Variants in VEPH1 observed in about 807,000 individuals in gnomAD.
The protein encoded by VEPH1 is ventricular zone-expressed PH domain-containing protein homolog 1.
In VEPH1, 80 loss-of-function variants were observed where a neutral mutation model predicts 85.2. That is an observed-to-expected ratio of 0.94 (90% CI 0.78 to 1.13). The LOEUF (loss-of-function observed/expected upper bound fraction) is 1.13, where lower values mean the gene tolerates loss of function less well. Ranked by LOEUF, VEPH1 falls within the 50% of genes most tolerant of loss-of-function variation. VEPH1 has a pLI of 0.00. For missense variants in VEPH1, 955 were observed against 980.5 expected, an observed-to-expected ratio of 0.97 and a Z score of 0.35; for synonymous variants, 297 against 348.0, an observed-to-expected ratio of 0.85 and a Z score of 1.63.
At chr3:157,271,849 A>G (rs957858405) in intron 12 of VEPH1, among the ~76,000 whole-genome samples, 4 of 152,204 alleles carry the variant, frequency 2.6e-5, no homozygotes, top group African/African-American at 7.2e-5. Context: ...TCAAAAGTTC[A>G]TGAAAAAAAT....
At chr3:157,460,062 G>A (rs766867585) in intron 4 of VEPH1, 119 bp downstream of exon 4, 15 of 1,602,166 alleles carry the variant, frequency 9.4e-6, no homozygotes, top group Non-Finnish European at 1.3e-5. Context: ...CAGCAAAACA[G>A]AGAAATTAAT....
intron 11 of VEPH1, among the ~76,000 whole-genome samples, chr3:157,303,754 A>G (rs950552733): frequency 6.6e-6 from 1 of 151,904 alleles, no homozygotes; most frequent in Non-Finnish European, 1.5e-5. Context: ...GTAGACTCTC[A>G]TTCACATTTT....
intron 12 of VEPH1, among the ~76,000 whole-genome samples, chr3:157,276,525 T>C (rs1715416899): frequency 6.6e-6 from 1 of 152,230 alleles, no homozygotes; most frequent in Admixed American, 6.5e-5. Context: ...TAGATGACAG[T>C]AATAGGTTAT....
intron 4 of VEPH1, among the ~76,000 whole-genome samples, chr3:157,452,790 C>T (rs1164795681): frequency 6.6e-6 from 1 of 152,316 alleles, no homozygotes; most frequent in East Asian, 1.9e-4. Flanking sequence ...GCTTTTAACT[C>T]CTCTAAGCTT....
chr3:157,288,074 A>T (rs544525858), intron 11 of VEPH1, among the ~76,000 whole-genome samples: 9 of 152,300 alleles, frequency 5.9e-5, no homozygotes, highest in African/African-American at 2.2e-4. Flanking sequence ...TATTAGCCTA[A>T]CCAAATTAAA....
intron 2 of VEPH1, among the ~76,000 whole-genome samples, chr3:157,477,197 T>TC (rs1560096263): frequency 6.6e-6 from 1 of 151,586 alleles, no homozygotes; most frequent in Non-Finnish European, 1.5e-5. Flanking sequence ...GGCATTTTTT[T>TC]TTTTTTTAAT....
intron 12 of VEPH1, among the ~76,000 whole-genome samples, chr3:157,283,157 A>G (rs1392858966): frequency 1.3e-5 from 2 of 152,206 alleles, no homozygotes; most frequent in Admixed American, 6.5e-5. Context: ...ATATATTATA[A>G]CATTACTGAA....
In VEPH1 at chr3:157,283,229, A is replaced by G. The variant is rs552054236; in HGVS notation, c.2128+3328T>C. ...AACTTGAATTTTCCCTACAGGTTGA[A>G]AAGTCAGGTTCTGGAATTGGCTGTC... is the stretch of plus-strand genomic sequence containing the variant. On this transcript the variant is annotated intron_variant, in intron 12 of 13. Coordinates refer to ENST00000362010, the MANE Select transcript of VEPH1 (RefSeq NM_001167912.2). 4.6e-5 allele frequency among the ~76,000 whole-genome samples: 7 copies of G among 152,314 alleles called. No homozygotes were observed. The South Asian group carries it at 1.5e-3, about 32-fold the overall frequency.
intron 5 of VEPH1, among the ~76,000 whole-genome samples, chr3:157,427,955 G>A (rs1195499815): frequency 6.6e-6 from 1 of 152,212 alleles, no homozygotes; most frequent in Non-Finnish European, 1.5e-5. Context: ...GAACAAAAAG[G>A]TGGAGGAAGG....
At chr3:157,485,076 A>C (rs140473748) in intron 2 of VEPH1, among the ~76,000 whole-genome samples, 1 of 152,192 alleles carries the variant, frequency 6.6e-6, no homozygotes, top group Non-Finnish European at 1.5e-5. Context: ...ATTTTGCAAG[A>C]AAATGTGGAA....
intron 5 of VEPH1, among the ~76,000 whole-genome samples, chr3:157,425,950 T>G (rs1732722852): frequency 6.6e-6 from 1 of 152,198 alleles, no homozygotes; most frequent in African/African-American, 2.4e-5. Flanking sequence ...TCTCCCATAC[T>G]GTTCTCATGG....
chr3:157,263,471 A>C (rs1713186276), intron 13 of VEPH1, among the ~76,000 whole-genome samples: 1 of 146,910 alleles, frequency 6.8e-6, no homozygotes, highest in African/African-American at 2.7e-5. Flanking sequence ...GATCTGGAAA[A>C]TTACTACGTC....
chr3:157,392,683 C>T lies in VEPH1; in HGVS notation c.907-11307G>A, dbSNP rs374375919. Among the ~76,000 whole-genome samples the T allele has an allele frequency of 1.1e-4, 17 of 152,146 alleles. No individual in the cohort carries two copies. The East Asian group carries it at 1.2e-3, about 10-fold the overall frequency. On this transcript the variant is annotated intron_variant, in intron 6 of 13. Coordinates refer to ENST00000362010, the MANE Select transcript of VEPH1 (RefSeq NM_001167912.2). ...AAGTTTATGAATTTGTGTTGGGCTG[C>T]ATTCAAAGCTGTCCTGGGCCTCATG...
intron 12 of VEPH1, among the ~76,000 whole-genome samples, chr3:157,274,321 G>A (rs1455074007): frequency 6.6e-6 from 1 of 152,176 alleles, no homozygotes; most frequent in African/African-American, 2.4e-5. Flanking sequence ...TGATGAACAG[G>A]TGGTTTTAGA....
intron 4 of VEPH1, chr3:157,442,993 C>T (rs2109246305): frequency 6.4e-7 from 1 of 1,571,886 alleles, no homozygotes; most frequent in Non-Finnish European, 8.6e-7. Flanking sequence ...TTGTGAAACT[C>T]CACTTGAAGC....
intron 6 of VEPH1, chr3:157,409,867 C>G (rs1296606340): frequency 1.0e-6 from 1 of 985,422 alleles, no homozygotes. Flanking sequence ...TGCAAACCCA[C>G]AGGAGACTCT....
chr3:157,347,735 G>A (rs899819004), intron 9 of VEPH1, among the ~76,000 whole-genome samples: 2 of 152,234 alleles, frequency 1.3e-5, no homozygotes, highest in African/African-American at 2.4e-5. Flanking sequence ...GAAAAGGTAA[G>A]CAGAAGATCC....
chr3:157,405,415 G>A (rs1197101195), intron 6 of VEPH1, among the ~76,000 whole-genome samples: 1 of 152,028 alleles, frequency 6.6e-6, no homozygotes, highest in African/African-American at 2.4e-5. Context: ...TTACTTATCC[G>A]CACTATGAAG....
At chr3:157,454,354 T>A (rs1462110387) in intron 4 of VEPH1, among the ~76,000 whole-genome samples, 1 of 152,180 alleles carries the variant, frequency 6.6e-6, no homozygotes, top group Non-Finnish European at 1.5e-5. Context: ...ATTTCCACTC[T>A]CAGCTGGAGT....
Sources: allele counts gnomAD v4.1 joint callset (sites outside exome capture counted in the v4.1 genomes callset), GRCh38; gene constraint gnomAD v4.1.1; transcripts MANE v1.5; gene names NCBI Gene and HGNC (gene_info 2026-07-23, HGNC 2026-07-21).